SH3KBP1: variants seen among roughly 807,000 people sequenced by gnomAD.
SH3KBP1 encodes SH3 domain-containing kinase-binding protein 1.
Under a neutral mutation model 50.1 loss-of-function variants are expected in SH3KBP1, and 8 were observed. The ratio of observed to expected loss-of-function variants is 0.16; its 90% CI spans 0.09 to 0.29. SH3KBP1 has a LOEUF of 0.29. SH3KBP1 is among the 10% of genes least tolerant of loss of function. The probability of loss-of-function intolerance (pLI) is 1.00; values close to 1 mark genes in which losing one functional copy is unlikely to be tolerated. For missense variants in SH3KBP1, 377 were observed against 535.2 expected, an observed-to-expected ratio of 0.70 and a Z score of 2.92; for synonymous variants, 227 against 218.6, an observed-to-expected ratio of 1.04 and a Z score of -0.34.
At chrX:19,788,094 T>C (rs1358049386) in intron 2 of SH3KBP1, among the ~76,000 whole-genome samples, 1 of 108,719 alleles carries the variant, frequency 9.2e-6, no homozygotes, top group East Asian at 2.9e-4. Context: ...CCAATATGAG[T>C]GGTATCCTTA....
At chrX:19,852,636 GAAAAAAAA>G (rs760707711) in intron 1 of SH3KBP1, among the ~76,000 whole-genome samples, 2 of 51,952 alleles carry the variant, frequency 3.8e-5, no homozygotes, top group Admixed American at 4.6e-4. Flanking sequence ...TAGCTGCACA[GAAAAAAAA>G]AAAAAAAAAA....
At chrX:19,861,318 A>G (rs1288022290) in intron 1 of SH3KBP1, among the ~76,000 whole-genome samples, 1 of 109,876 alleles carries the variant, frequency 9.1e-6, no homozygotes, top group East Asian at 2.8e-4. Flanking sequence ...CAGAACTTGC[A>G]GTGAGCCGAG....
At chrX:19,880,943 G>A (rs1180385804) in intron 1 of SH3KBP1, among the ~76,000 whole-genome samples, 1 of 111,843 alleles carries the variant, frequency 8.9e-6, no homozygotes, top group African/African-American at 3.3e-5. Context: ...CAGAAAGAAC[G>A]CAACCCTGCT....
In SH3KBP1 at chrX:19,732,889, C is replaced by T. The variant is rs757796678; in HGVS notation, c.286+13429G>A. Reference sequence around the variant, plus strand: ...AATATGAGGGGAAAGATCCTATTTACAAAAGCCAACAATAACCACTATCTA... The same window carrying T: ...AATATGAGGGGAAAGATCCTATTTATAAAAGCCAACAATAACCACTATCTA... On this transcript the variant is annotated intron_variant, in intron 3 of 17. Coordinates refer to ENST00000397821, the MANE Select transcript of SH3KBP1 (RefSeq NM_031892.3). Among the ~76,000 whole-genome samples, 30 of 111,591 alleles carry T rather than the reference C, an allele frequency of 2.7e-4. No individual in the cohort carries two copies. The South Asian group carries it at 0.011, about 40-fold the overall frequency.
At position 19,801,182 on chromosome X, in the gene SH3KBP1, G is replaced by A. The variant is rs144493984; in HGVS notation, c.162+34943C>T. Among the ~76,000 whole-genome samples, 127 of 112,059 alleles carry A rather than the reference G, an allele frequency of 1.1e-3. 5 individuals carry two copies. In the East Asian group the frequency reaches 0.034, roughly 30 times the overall value. On this transcript the variant is annotated intron_variant, in intron 2 of 17. Coordinates refer to ENST00000397821, the MANE Select transcript of SH3KBP1 (RefSeq NM_031892.3). ...CCTCCTACATACGGGCTGTGAGCAAGGAAGCAAAGGGCCCCACTGCAGATG... is the reference window on the plus strand; with the variant it reads ...CCTCCTACATACGGGCTGTGAGCAAAGAAGCAAAGGGCCCCACTGCAGATG...
rs368097754 is a variant in SH3KBP1 at position 19,835,582 on chromosome X, ATT to A, written c.162+541_162+542del. Among the ~76,000 whole-genome samples the A allele has an allele frequency of 3.0e-3, 290 of 97,242 alleles. 1 individual carries two copies. Among genetic ancestry groups the A allele is most frequent in the African/African-American group, 9.3e-3 (239 of 25,640 alleles). 84.4% of individuals were successfully genotyped at this position (97,242 alleles called of 115,157 possible). ...ATACAACAATTTAACAGCCTTTACT[ATT>A]TTTTTTTTTTTTTTGAGACAGTCTC... is the stretch of plus-strand genomic sequence containing the variant. On this transcript the variant is annotated intron_variant, in intron 2 of 17. Transcript: ENST00000397821.
chrX:19,610,689 G>A (rs1044900891), intron 8 of SH3KBP1, among the ~76,000 whole-genome samples: 2 of 111,329 alleles, frequency 1.8e-5, no homozygotes, highest in Non-Finnish European at 3.8e-5. Flanking sequence ...ACAATATTAC[G>A]CAAGGTCCTT....
chrX:19,563,902 A>T lies in SH3KBP1; in HGVS notation c.1384+5201T>A, dbSNP rs960938843. 3.6e-5 allele frequency among the ~76,000 whole-genome samples: 4 copies of T among 111,459 alleles called. No homozygotes were observed. The East Asian group carries it at 1.1e-3, about 31-fold the overall frequency. ...ATGTCTGAGCAACTAATCCCGAGAG[A>T]GCTGGAAGGCGCGGCTGTTGTTCAC... On this transcript the variant is annotated intron_variant, in intron 13 of 17. Coordinates refer to ENST00000397821, the MANE Select transcript of SH3KBP1 (RefSeq NM_031892.3).
Position 19,594,117 on chromosome X carries a change from C to T in SH3KBP1, c.1057+832G>A, listed in dbSNP as rs913444460. 6.2e-5 allele frequency among the ~76,000 whole-genome samples: 7 copies of T among 112,279 alleles called. No individual in the cohort carries two copies. In the South Asian group the frequency reaches 1.1e-3, roughly 18 times the overall value. ...ATCTTGAAATTTATTCATAATTTAA[C>T]TGTTATAGAAATATAATTGTGAATG... On this transcript the variant is annotated intron_variant, in intron 10 of 17. Coordinates refer to ENST00000397821, the MANE Select transcript of SH3KBP1 (RefSeq NM_031892.3).
At chrX:19,745,415 G>A (rs1367684283) in intron 3 of SH3KBP1, among the ~76,000 whole-genome samples, 1 of 112,236 alleles carries the variant, frequency 8.9e-6, no homozygotes, top group African/African-American at 3.2e-5. Context: ...TTCTTATCCT[G>A]TCTAAATTTT....
intron 6 of SH3KBP1, among the ~76,000 whole-genome samples, chrX:19,680,777 C>T (rs762685461): frequency 2.7e-5 from 3 of 111,894 alleles, no homozygotes; most frequent in South Asian, 3.7e-4. Context: ...CTATCCATGG[C>T]GCCAACAACA....
intron 1 of SH3KBP1, among the ~76,000 whole-genome samples, chrX:19,847,206 G>A (rs142141946): frequency 0.011 from 1,254 of 111,511 alleles, 17 homozygotes; most frequent in African/African-American, 0.038. Context: ...CTTTCTCCCC[G>A]GCAGATTTAA....
chrX:19,569,042 C>T, intron 13 of SH3KBP1, 61 bp downstream of exon 13: 4 of 1,018,386 alleles, frequency 3.9e-6, no homozygotes, highest in Non-Finnish European at 5.6e-6. Flanking sequence ...TGAAGGCAAG[C>T]CAGGCTCTGA....
chrX:19,766,986 A>G (rs750925537), intron 2 of SH3KBP1, among the ~76,000 whole-genome samples: 1 of 111,681 alleles, frequency 9.0e-6, no homozygotes, highest in East Asian at 2.8e-4. Flanking sequence ...TTGAGGGGCC[A>G]TTATTCTGCC....
intron 2 of SH3KBP1, among the ~76,000 whole-genome samples, chrX:19,792,464 TA>T (rs1438820459): frequency 2.7e-5 from 3 of 110,799 alleles, no homozygotes; most frequent in African/African-American, 9.9e-5. Flanking sequence ...ATTTTTAACT[TA>T]AAAAAATGTT....
In SH3KBP1 at chrX:19,793,012, T is replaced by C. The variant is rs1035322733; in HGVS notation, c.162+43113A>G. On this transcript the variant is annotated intron_variant, in intron 2 of 17. Transcript: ENST00000397821. Reference sequence around the variant, plus strand: ...CCTCAAATGGCTATATAAGAGCATCTGGGCCAGGCATGGGTGGCTCACACC... The same window carrying C: ...CCTCAAATGGCTATATAAGAGCATCCGGGCCAGGCATGGGTGGCTCACACC... 3.6e-5 allele frequency among the ~76,000 whole-genome samples: 4 copies of C among 110,433 alleles called. No individual in the cohort carries two copies. The South Asian group carries it at 1.5e-3, about 42-fold the overall frequency.
chrX:19,792,940 G>C (rs1351669383), intron 2 of SH3KBP1, among the ~76,000 whole-genome samples: 1 of 110,029 alleles, frequency 9.1e-6, no homozygotes, highest in Non-Finnish European at 1.9e-5. Context: ...AAGAAACTCT[G>C]GGTAAATGAG....
At chrX:19,840,825 C>T (rs146288382) in intron 1 of SH3KBP1, among the ~76,000 whole-genome samples, 2,615 of 111,894 alleles carry the variant, frequency 0.023, 42 homozygotes, top group Non-Finnish European at 0.04. Context: ...TTTAAAGACA[C>T]CATAAATTAC....
intron 15 of SH3KBP1, among the ~76,000 whole-genome samples, chrX:19,543,437 C>T (rs775706658): frequency 4.5e-5 from 5 of 111,343 alleles, no homozygotes; most frequent in South Asian, 7.6e-4. Context: ...CCAGAAGGAA[C>T]GAAGTGGTTG....
Sources: allele counts gnomAD v4.1 joint callset (sites outside exome capture counted in the v4.1 genomes callset), GRCh38; gene constraint gnomAD v4.1.1; transcripts MANE v1.5; gene names NCBI Gene and HGNC (gene_info 2026-07-23, HGNC 2026-07-21).